WSCD1: variants seen among roughly 807,000 people sequenced by gnomAD.
The protein encoded by WSCD1 is WSC domain sialate O sulfotransferase 1.
WSCD1 carries 41 observed loss-of-function variants against 60.4 expected under a neutral mutation model. That is an observed-to-expected ratio of 0.68 (90% CI 0.53 to 0.88). The LOEUF is 0.88. WSCD1 is among the 40% of genes least tolerant of loss of function. The probability of loss-of-function intolerance (pLI) is 0.00; values close to 1 mark genes in which losing one functional copy is unlikely to be tolerated. For synonymous variants in WSCD1, 361 were observed against 332.5 expected, an observed-to-expected ratio of 1.09 and a Z score of -0.93; for missense variants, 784 against 796.2, an observed-to-expected ratio of 0.98 and a Z score of 0.18.
Position 6,101,804 on chromosome 17 carries a change from C to T in WSCD1, c.849+6581C>T, listed in dbSNP as rs1012445220. On this transcript the variant is annotated intron_variant, in intron 5 of 8. Transcript: ENST00000317744. The surrounding 1 kb of genome is among the most constrained non-coding windows in gnomAD (Gnocchi z 4.1). ...GGCAAGAGTGAGCAGGGGGCAGCTT[C>T]GATATTTGCATTGCTACCAATTCAG... 6.6e-6 allele frequency among the ~76,000 whole-genome samples: 1 copy of T among 152,176 alleles called. No homozygotes were observed. Among genetic ancestry groups the T allele is most frequent in the African/African-American group, 2.4e-5 (1 of 41,448 alleles).
rs978618945 is a variant in WSCD1 at position 6,123,052 on chromosome 17, C to G, written c.*2391C>G. On this transcript the variant is annotated 3_prime_UTR_variant, in exon 9 of 9. Transcript: ENST00000317744. ...ATCAGAAACAGGAACGGGGATCTGT[C>G]TGTGCTTGCAGGAAAGTCCATTTGT... is the stretch of plus-strand genomic sequence containing the variant. 2 of 152,252 alleles carry G rather than the reference C, an allele frequency of 1.3e-5. No homozygotes were observed. The highest frequency in any genetic ancestry group is 4.8e-5 in the African/African-American group (2 of 41,452). 9.4% of individuals were successfully genotyped at this position (152,252 alleles called of 1,614,324 possible). A position where few individuals can be genotyped will look rare whatever the true frequency, so the allele number is the denominator to read the frequency against.
At chr17:6,097,145 G>A (rs1004578065) in intron 5 of WSCD1, among the ~76,000 whole-genome samples, 5 of 152,258 alleles carry the variant, frequency 3.3e-5, no homozygotes, top group Middle Eastern at 3.2e-3. Flanking sequence ...TGCTCCTGAC[G>A]CCACACACAG....
intron 5 of WSCD1, among the ~76,000 whole-genome samples, chr17:6,105,409 G>GCGCCCTTTCTCT (rs1911032075): frequency 1.3e-5 from 2 of 152,016 alleles, no homozygotes; most frequent in Admixed American, 1.3e-4. Context: ...TCTCACTGAA[G>GCGCCCTTTCTCT]CACCCTTTCT....
upstream of WSCD1, chr17:6,069,168 T>C (rs1271247191): frequency 2.5e-6 from 1 of 398,722 alleles, no homozygotes; most frequent in Non-Finnish European, 4.4e-6. Context: ...CTGCCTCTGC[T>C]GTCCTCAGCT....
At chr17:6,102,077 CCT>C (rs1276991400) in intron 5 of WSCD1, among the ~76,000 whole-genome samples, 2 of 152,154 alleles carry the variant, frequency 1.3e-5, no homozygotes, top group Non-Finnish European at 2.9e-5. Flanking sequence ...TTCTTTTTCC[CCT>C]CTTTTAGCCT....
chr17:6,099,532 G>C (rs567558719), intron 5 of WSCD1, among the ~76,000 whole-genome samples: 1 of 151,066 alleles, frequency 6.6e-6, no homozygotes, highest in Non-Finnish European at 1.5e-5. Context: ...AAAAAAAAAA[G>C]AGAGCAACTG....
In WSCD1 at chr17:6,110,843, G is replaced by A; in HGVS notation, c.1082G>A (p.Gly361Glu). ...KVFVALSSFP[G>E]AGNTWARHLI... ...TTTGTGGCTTTGTCAAGCTTCCCAG[G>A]AGCCGGGAACACATGGGCACGGCAC... Residue 361 changes from glycine (G) to glutamate (E), a missense_variant, in exon 7 of 9, where the codon GGA becomes GAA. By Grantham distance (98) the Gly-to-Glu change is moderately conservative (BLOSUM62 -2). Coordinates refer to ENST00000317744, the MANE Select transcript of WSCD1 (RefSeq NM_015253.2). This position sits in a 1 kb window ranked among gnomAD's most constrained non-coding sequence, Gnocchi z 4.8. 6.2e-7 allele frequency: 1 copy of A among 1,614,008 alleles called. No homozygotes were observed. Among genetic ancestry groups the A allele is most frequent in the Non-Finnish European group, 8.5e-7 (1 of 1,179,922 alleles).
In WSCD1 at chr17:6,120,674, A is replaced by C; in HGVS notation, c.*13A>C. ...TGTGCCCAGATGATAGGCCTGGCCC[A>C]CGCCGCCGCCCCCGCTGAGTGACGC... On this transcript the variant is annotated 3_prime_UTR_variant, in exon 9 of 9. Transcript: ENST00000317744. 6.3e-7 allele frequency: 1 copy of C among 1,596,538 alleles called. No individual in the cohort carries two copies. Among genetic ancestry groups the C allele is most frequent in the Non-Finnish European group, 8.5e-7 (1 of 1,169,660 alleles).
At position 6,080,680 on chromosome 17, in the gene WSCD1, C is replaced by T; in HGVS notation, c.22C>T (p.Leu8Phe). The T allele has an allele frequency of 6.2e-7, 1 of 1,613,636 alleles. No homozygotes were observed. Among genetic ancestry groups the T allele is most frequent in the Non-Finnish European group, 8.5e-7 (1 of 1,179,912 alleles). The change falls in exon 2 of 9, where the codon CTC (leucine) becomes TTC (phenylalanine). Residue 8 changes from leucine to phenylalanine, a missense_variant. By Grantham distance (22) the Leu-to-Phe change is conservative (BLOSUM62 0). Coordinates refer to ENST00000317744, the MANE Select transcript of WSCD1 (RefSeq NM_015253.2). This position sits in a 1 kb window ranked among gnomAD's most constrained non-coding sequence, Gnocchi z 6.6. MAKPFFR[L>F]QKFLRRTQFL... ...GGGCATGGCCAAACCTTTCTTCCGA[C>T]TCCAGAAGTTTCTCCGCCGAACACA... is the stretch of plus-strand genomic sequence containing the variant.
chr17:6,110,914 G>A lies in WSCD1; in HGVS notation c.1153G>A (p.Asp385Asn). The change falls in exon 7 of 9, where the codon GAT becomes AAT. Residue 385 changes from aspartate (D) to asparagine (N), a missense_variant. Transcript: ENST00000317744. The surrounding 1 kb of genome is among the most constrained non-coding windows in gnomAD (Gnocchi z 4.8). ...TGFYTGSYYF[D>N]GTLYNKGFKG... ...CTTCTATACAGGGAGCTACTACTTT[G>A]ATGGAACCCTCTACAACAAAGGTAA... 6.2e-7 allele frequency: 1 copy of A among 1,607,278 alleles called. No homozygotes were observed. The highest frequency in any genetic ancestry group is 8.5e-7 in the Non-Finnish European group (1 of 1,174,550).
At chr17:6,097,050 G>A (rs1394682251) in intron 5 of WSCD1, among the ~76,000 whole-genome samples, 2 of 151,894 alleles carry the variant, frequency 1.3e-5, no homozygotes, top group Non-Finnish European at 2.9e-5. Flanking sequence ...TCAAACACAG[G>A]CACAGAGTGG....
chr17:6,090,620 C>T, intron 4 of WSCD1, 115 bp downstream of exon 4: 2 of 1,370,306 alleles, frequency 1.5e-6, no homozygotes, highest in East Asian at 2.6e-5. Context: ...CCAACCTCTG[C>T]CCTCCCTTCC....
intron 4 of WSCD1, among the ~76,000 whole-genome samples, chr17:6,092,155 A>AG (rs1910099368): frequency 1.3e-5 from 1 of 75,410 alleles, no homozygotes. Flanking sequence ...CTCTGTCTCC[A>AG]AAAAAAAAAA....
Position 6,080,863 on chromosome 17 carries a change from A to G in WSCD1, c.205A>G (p.Ser69Gly), listed in dbSNP as rs758957039. ...AVALGVGLLD[S>G]RALHDPRVSP... ...GGCGCTGGGCGTGGGCTTGCTGGACAGCAGAGCCCTGCACGACCCTCGAGT... is the reference window on the plus strand; with the variant it reads ...GGCGCTGGGCGTGGGCTTGCTGGACGGCAGAGCCCTGCACGACCCTCGAGT... The change falls in exon 2 of 9, where the codon AGC (serine) becomes GGC (glycine). Residue 69 changes from serine (S) to glycine (G), a missense_variant. Physicochemically the swap from Ser to Gly is moderately conservative, Grantham distance 56 (BLOSUM62 0). Coordinates refer to ENST00000317744, the MANE Select transcript of WSCD1 (RefSeq NM_015253.2). The surrounding 1 kb of genome is among the most constrained non-coding windows in gnomAD (Gnocchi z 6.6). 4 of 1,605,790 alleles carry G rather than the reference A, an allele frequency of 2.5e-6. No individual in the cohort carries two copies. The highest frequency in any genetic ancestry group is 3.4e-6 in the Non-Finnish European group (4 of 1,178,450).
Position 6,083,373 on chromosome 17 carries a change from C to T in WSCD1, c.427+2288C>T, listed in dbSNP as rs144857333. The stretch of plus-strand genomic sequence containing the variant: ...CACCTCACTGTGCCCTGGAGGAGCT[C>T]GGTCTGGTGATAGAGTCAGATATGC... On this transcript the variant is annotated intron_variant, in intron 2 of 8. Coordinates refer to ENST00000317744, the MANE Select transcript of WSCD1 (RefSeq NM_015253.2). Among the ~76,000 whole-genome samples, 143 of 152,300 alleles carry T rather than the reference C, an allele frequency of 9.4e-4. 1 individual carries two copies. The highest frequency in any genetic ancestry group is 3.1e-3 in the African/African-American group (127 of 41,562).
rs572072504 is a variant in WSCD1 at position 6,075,142 on chromosome 17, G to T, written c.-289+4490G>T. Among the ~76,000 whole-genome samples, 2 of 152,132 alleles carry T rather than the reference G, an allele frequency of 1.3e-5. No individual in the cohort carries two copies. Among genetic ancestry groups the T allele is most frequent in the African/African-American group, 2.4e-5 (1 of 41,416 alleles). On this transcript the variant is annotated intron_variant, in intron 1 of 8. Transcript: ENST00000317744. This position sits in a 1 kb window ranked among gnomAD's most constrained non-coding sequence, Gnocchi z 4.1. ...CAACGTTCTGGGCCCTATTCTTGTC[G>T]CTGGGGCTCCTGCCCTGCAAAGAGC...
chr17:6,097,523 G>A (rs1329196891), intron 5 of WSCD1, among the ~76,000 whole-genome samples: 2 of 152,220 alleles, frequency 1.3e-5, no homozygotes, highest in African/African-American at 4.8e-5. Context: ...AGCCTGTCTC[G>A]GAGATTGTCT....
intron 4 of WSCD1, among the ~76,000 whole-genome samples, chr17:6,093,763 C>T (rs879585682): frequency 1.3e-5 from 2 of 152,158 alleles, no homozygotes; most frequent in African/African-American, 2.4e-5. Flanking sequence ...CTAGGAACTA[C>T]GCTGTATGTA....
chr17:6,098,771 C>T (rs550113394), intron 5 of WSCD1, among the ~76,000 whole-genome samples: 6 of 152,172 alleles, frequency 3.9e-5, no homozygotes, highest in African/African-American at 1.4e-4. Context: ...GTATTGGCAG[C>T]GCATATTTAG....
Sources: allele counts gnomAD v4.1 joint callset (sites outside exome capture counted in the v4.1 genomes callset), GRCh38; gene constraint gnomAD v4.1.1; non-coding constraint Gnocchi (gnomAD v3.1); transcripts MANE v1.5; gene names NCBI Gene and HGNC (gene_info 2026-07-23, HGNC 2026-07-21).